HHAT: variants seen among roughly 807,000 people sequenced by gnomAD.
HHAT encodes the protein protein-cysteine N-palmitoyltransferase HHAT.
Under a neutral mutation model 70.8 loss-of-function variants are expected in HHAT, and 47 were observed. The ratio of observed to expected loss-of-function variants is 0.66; its 90% CI spans 0.53 to 0.85. The LOEUF (loss-of-function observed/expected upper bound fraction) is 0.85. HHAT is among the 40% of genes least tolerant of loss of function. The pLI is 0.00. For synonymous variants in HHAT, 228 were observed against 247.6 expected (o/e 0.92, Z 0.74); for missense variants, 609 against 604.8 (o/e 1.01, Z -0.07).
intron 8 of HHAT, among the ~76,000 whole-genome samples, chr1:210,474,422 C>T (rs962733197): frequency 3.9e-5 from 6 of 152,162 alleles, no homozygotes; most frequent in African/African-American, 1.4e-4. Context: ...GCCTGAGTAG[C>T]TGGGACTATA....
chr1:210,617,560 C>T (rs1667994260), intron 10 of HHAT, among the ~76,000 whole-genome samples: 1 of 152,180 alleles, frequency 6.6e-6, no homozygotes, highest in Non-Finnish European at 1.5e-5. Flanking sequence ...AACCCAGGCA[C>T]CCCAAACATG....
At chr1:210,566,534 A>T (rs1340495970) in intron 9 of HHAT, among the ~76,000 whole-genome samples, 1 of 152,148 alleles carries the variant, frequency 6.6e-6, no homozygotes, top group African/African-American at 2.4e-5. Flanking sequence ...CTCCAGAAGC[A>T]GATGAGGAGA....
At position 210,455,215 on chromosome 1, in the gene HHAT, G is replaced by C. The variant is rs143563316; in HGVS notation, c.857-9290G>C. Among the ~76,000 whole-genome samples, 293 of 152,252 alleles carry C rather than the reference G, an allele frequency of 1.9e-3. 7 individuals are homozygous for C. The South Asian group carries it at 0.042, about 22-fold the overall frequency. On this transcript the variant is annotated intron_variant, in intron 7 of 11. Coordinates refer to ENST00000261458, the MANE Select transcript of HHAT (RefSeq NM_018194.6). ...CTGTCTTCTTGTCCCTGTCTTTCAC[G>C]TTACCTGCCCTTTATAGCAGAAAAA...
At chr1:210,562,961 C>G (rs929843148) in intron 9 of HHAT, among the ~76,000 whole-genome samples, 1 of 151,964 alleles carries the variant, frequency 6.6e-6, no homozygotes, top group African/African-American at 2.4e-5. Flanking sequence ...CCAGCTTCAT[C>G]CATGTCCCTA....
At chr1:210,527,717 CAG>C (rs1452127166) in intron 9 of HHAT, among the ~76,000 whole-genome samples, 3 of 152,232 alleles carry the variant, frequency 2.0e-5, no homozygotes, top group African/African-American at 7.2e-5. Context: ...GAGCACGTGA[CAG>C]AGGATGGTGC....
intron 4 of HHAT, among the ~76,000 whole-genome samples, chr1:210,397,724 G>A (rs191368987): frequency 6.6e-6 from 1 of 152,312 alleles, no homozygotes; most frequent in Non-Finnish European, 1.5e-5. Flanking sequence ...CTTTGCTGAT[G>A]AAACTGGCCT....
chr1:210,560,814 TAAAAAAAAAAAAAAAAA>T (rs60192211), intron 9 of HHAT, among the ~76,000 whole-genome samples: 23 of 28,514 alleles, frequency 8.1e-4, no homozygotes, highest in South Asian at 1.9e-3. Flanking sequence ...CCCTGTGTCT[TAAAAAAAAAAAAAAAAA>T]AAAAAAAAAA....
At chr1:210,601,970 AGT>A (rs10646355) in intron 10 of HHAT, among the ~76,000 whole-genome samples, 33 of 149,472 alleles carry the variant, frequency 2.2e-4, no homozygotes, top group African/African-American at 5.9e-4. Flanking sequence ...TGTGTGTGAG[AGT>A]GTGTGTGTGT....
At chr1:210,428,053 C>T (rs1325528686) in intron 7 of HHAT, among the ~76,000 whole-genome samples, 1 of 151,836 alleles carries the variant, frequency 6.6e-6, no homozygotes, top group African/African-American at 2.4e-5. Flanking sequence ...TAATGCCCTT[C>T]ATTGTCTTTT....
intron 9 of HHAT, among the ~76,000 whole-genome samples, chr1:210,572,176 C>T (rs766081116): frequency 6.6e-6 from 1 of 152,092 alleles, no homozygotes; most frequent in Non-Finnish European, 1.5e-5. Context: ...TAAAAGGTGC[C>T]GTCTCTGATA....
intron 7 of HHAT, among the ~76,000 whole-genome samples, chr1:210,419,536 G>C (rs1278829876): frequency 3.9e-5 from 6 of 152,160 alleles, no homozygotes; most frequent in East Asian, 1.9e-4. Flanking sequence ...TCCAATAACT[G>C]TGTGATCCTC....
intron 8 of HHAT, among the ~76,000 whole-genome samples, chr1:210,490,904 A>G (rs893626728): frequency 1.3e-5 from 2 of 152,178 alleles, no homozygotes; most frequent in African/African-American, 4.8e-5. Context: ...ACATTCTTTT[A>G]CACCAGAAGA....
chr1:210,356,117 G>T lies in HHAT; in HGVS notation c.92-6735G>T, dbSNP rs1254331347. Among the ~76,000 whole-genome samples the T allele has an allele frequency of 3.3e-5, 5 of 150,102 alleles. No homozygotes were observed. The East Asian group carries it at 9.8e-4, about 29-fold the overall frequency. On this transcript the variant is annotated intron_variant, in intron 2 of 11. Coordinates refer to ENST00000261458, the MANE Select transcript of HHAT (RefSeq NM_018194.6). ...CTATTTTTTTTTTTTTTTGGAGACA[G>T]GGTCTTGCTATGTTGCCCAGGCTGG...
chr1:210,639,145 A>T (rs539021935), intron 11 of HHAT, among the ~76,000 whole-genome samples: 22 of 152,154 alleles, frequency 1.4e-4, no homozygotes, highest in Admixed American at 7.2e-4. Context: ...CCATTCATCC[A>T]TGCACCCAAC....
chr1:210,560,973 C>T (rs940682541), intron 9 of HHAT, among the ~76,000 whole-genome samples: 1 of 151,738 alleles, frequency 6.6e-6, no homozygotes, highest in Non-Finnish European at 1.5e-5. Flanking sequence ...AGCTAATGAT[C>T]ACTGAGGCCA....
chr1:210,442,868 T>C (rs1484992692), intron 7 of HHAT, among the ~76,000 whole-genome samples: 1 of 152,226 alleles, frequency 6.6e-6, no homozygotes, highest in Non-Finnish European at 1.5e-5. Flanking sequence ...AGATCCCATT[T>C]GTCAATTTTG....
chr1:210,411,417 T>C (rs1027725038), intron 6 of HHAT, among the ~76,000 whole-genome samples: 3 of 152,196 alleles, frequency 2.0e-5, no homozygotes, highest in African/African-American at 7.2e-5. Context: ...ACACTGCTTT[T>C]GAGGCCATTA....
chr1:210,504,562 G>A (rs979393187), intron 8 of HHAT, among the ~76,000 whole-genome samples: 30 of 152,156 alleles, frequency 2.0e-4, no homozygotes, highest in African/African-American at 7.2e-4. Context: ...TCACTCCTGA[G>A]CTGATGATGC....
chr1:210,405,956 G>C (rs1343181117), intron 6 of HHAT, among the ~76,000 whole-genome samples: 1 of 152,192 alleles, frequency 6.6e-6, no homozygotes, highest in Non-Finnish European at 1.5e-5. Flanking sequence ...TTTGCAAAGT[G>C]TGGTTCCTGG....
Sources: gnomAD v4.1 joint callset for allele counts (sites outside exome capture counted in the v4.1 genomes callset) on GRCh38, gnomAD v4.1.1 for gene constraint, MANE v1.5 for transcripts, NCBI Gene and HGNC (gene_info 2026-07-23, HGNC 2026-07-21) for gene names.